Variants in PVALB observed in about 807,000 individuals in gnomAD.
PVALB encodes the protein parvalbumin, also known as parvalbumin alpha.
In PVALB, 11 loss-of-function variants were observed where a neutral mutation model predicts 10.9. The ratio of observed to expected loss-of-function variants is 1.01; its 90% CI spans 0.63 to 1.67. PVALB has a LOEUF of 1.67. Ranked by LOEUF, PVALB falls within the 40% of genes most tolerant of loss-of-function variation. The pLI, the probability that PVALB is intolerant of heterozygous loss-of-function variation, is 0.00. For synonymous variants in PVALB, 57 were observed against 50.7 expected (o/e 1.12, Z -0.53); for missense variants, 131 against 136.2 (o/e 0.96, Z 0.19).
chr22:36,811,145 G>A (rs1386003870), intron 3 of PVALB, among the ~76,000 whole-genome samples: 2 of 152,110 alleles, frequency 1.3e-5, no homozygotes, highest in Non-Finnish European at 2.9e-5. Context: ...GGATGGTGGT[G>A]CGTGCCTGTA....
chr22:36,813,653 C>G lies in PVALB; in HGVS notation c.297G>C (p.Gly99=), dbSNP rs781393699. 1.9e-6 allele frequency: 3 copies of G among 1,613,386 alleles called. No individual in the cohort carries two copies. The highest frequency in any genetic ancestry group is 2.5e-6 in the Non-Finnish European group (3 of 1,179,444). Residue 99 remains glycine (G), a synonymous_variant, in exon 3 of 4, where the codon GGG becomes GGC. Coordinates refer to ENST00000417718, the MANE Select transcript of PVALB (RefSeq NM_001315532.2). ...AGDKDGDGKI[G]VDEFSTLVAE... ...CAGGTCACGGCTACCCACCGTCAAC[C>G]CCAATTTTGCCGTCCCCATCTTTGT...
chr22:36,814,169 A>T (rs146632150), intron 2 of PVALB, among the ~76,000 whole-genome samples: 6 of 152,176 alleles, frequency 3.9e-5, no homozygotes, highest in Admixed American at 1.3e-4. Flanking sequence ...GGAGGAGGGC[A>T]CTCAGAAGCT....
intron 3 of PVALB, 147 bp from the exon 4 acceptor site, chr22:36,801,065 G>C (rs1938856181): frequency 1.4e-6 from 1 of 718,588 alleles, no homozygotes; most frequent in African/African-American, 1.8e-5. Context: ...GAAAATGAAT[G>C]AATGAATAAA....
At chr22:36,811,275 CTAAATAAATAAATAAATAAA>C (rs72164769) in intron 3 of PVALB, among the ~76,000 whole-genome samples, 6 of 148,076 alleles carry the variant, frequency 4.1e-5, no homozygotes, top group African/African-American at 1.3e-4. Context: ...GAGACTGTCT[CTAAATAAATAAATAAATAAA>C]TAAATAAATA....
At chr22:36,803,549 T>C (rs2284019) in intron 3 of PVALB, among the ~76,000 whole-genome samples, 141,174 of 151,356 alleles carry the variant, frequency 0.93, 65,961 homozygotes, top group African/African-American at 0.98. Flanking sequence ...GATAGAGGGA[T>C]GGATGGATGG....
At chr22:36,817,065 C>A (rs929587347), upstream of PVALB, 4 of 1,489,504 alleles carry the variant, frequency 2.7e-6, no homozygotes, top group Admixed American at 1.9e-5. Context: ...CTTTTCTCAT[C>A]ATTTCTGCTC....
upstream of PVALB, among the ~76,000 whole-genome samples, chr22:36,819,030 A>T (rs1405810537): frequency 6.6e-6 from 1 of 151,360 alleles, no homozygotes; most frequent in African/African-American, 2.4e-5. Context: ...TCAACTTGAC[A>T]CCCCCTCCGG....
chr22:36,817,374 A>G, upstream of PVALB: 1 of 176,806 alleles, frequency 5.7e-6, no homozygotes, highest in Non-Finnish European at 1.2e-5. Flanking sequence ...AAGGACACGC[A>G]GGAGGTGCGC....
intron 3 of PVALB, among the ~76,000 whole-genome samples, chr22:36,808,216 C>A (rs921163211): frequency 2.6e-5 from 4 of 152,190 alleles, no homozygotes; most frequent in Admixed American, 1.3e-4. Flanking sequence ...GTATCAGTAA[C>A]AAAAATATCT....
chr22:36,801,837 A>T (rs1388014133), intron 3 of PVALB, among the ~76,000 whole-genome samples: 1 of 152,010 alleles, frequency 6.6e-6, no homozygotes, highest in Non-Finnish European at 1.5e-5. Flanking sequence ...AAGAAAATGG[A>T]GTGTTGTGAT....
chr22:36,817,343 C>T (rs1939160885), upstream of PVALB: 3 of 204,924 alleles, frequency 1.5e-5, no homozygotes, highest in Non-Finnish European at 2.9e-5. Flanking sequence ...CCAGCTGGGT[C>T]TGGAAAGTCC....
At chr22:36,801,834 T>C (rs553641327) in intron 3 of PVALB, among the ~76,000 whole-genome samples, 2 of 151,718 alleles carry the variant, frequency 1.3e-5, no homozygotes, top group East Asian at 3.9e-4. Context: ...AAAAAGAAAA[T>C]GGAGTGTTGT....
At chr22:36,807,093 G>A (rs1450742591) in intron 3 of PVALB, among the ~76,000 whole-genome samples, 7 of 152,146 alleles carry the variant, frequency 4.6e-5, no homozygotes, top group African/African-American at 1.4e-4. Flanking sequence ...CCAGAGCTAG[G>A]GAAAGTCCAC....
At chr22:36,817,130 T>G, upstream of PVALB, 1 of 856,440 alleles carries the variant, frequency 1.2e-6, no homozygotes, top group Non-Finnish European at 1.7e-6. Context: ...GGGCCTGGCA[T>G]GGCGCCAGGG....
intron 1 of PVALB, chr22:36,816,246 T>C (rs1939136963): frequency 6.6e-6 from 1 of 152,282 alleles, no homozygotes. Context: ...AGTTCCCTGA[T>C]TTCCCCATCT....
At chr22:36,815,312 G>A in intron 1 of PVALB, 77 bp from the exon 2 acceptor site, 2 of 1,567,668 alleles carry the variant, frequency 1.3e-6, no homozygotes, top group East Asian at 4.5e-5. Context: ...GGGCATCAAG[G>A]CATTTGTTGA....
chr22:36,813,183 G>T (rs1939072320), intron 3 of PVALB, among the ~76,000 whole-genome samples: 1 of 152,202 alleles, frequency 6.6e-6, no homozygotes, highest in South Asian at 2.1e-4. Flanking sequence ...CAGGAGATAG[G>T]AATTTCCATC....
chr22:36,808,269 G>A (rs1938990935), intron 3 of PVALB, among the ~76,000 whole-genome samples: 1 of 152,198 alleles, frequency 6.6e-6, no homozygotes. Flanking sequence ...AAGATGTAAG[G>A]CCTGTGTGCT....
At chr22:36,816,830 G>T in intron 1 of PVALB, 115 bp downstream of exon 1, 2 of 860,044 alleles carry the variant, frequency 2.3e-6, no homozygotes, top group Non-Finnish European at 3.4e-6. Flanking sequence ...CGCCCAGCGG[G>T]AAGTGTGGGC....
Sources: gnomAD v4.1 joint callset for allele counts (sites outside exome capture counted in the v4.1 genomes callset) on GRCh38, gnomAD v4.1.1 for gene constraint, MANE v1.5 for transcripts, NCBI Gene and HGNC (gene_info 2026-07-23, HGNC 2026-07-21) for gene names.